TMEFF2: variants seen among roughly 807,000 people sequenced by gnomAD.
TMEFF2 encodes the protein transmembrane protein with EGF like and two follistatin like domains 2.
A neutral mutation model predicts 53.8 loss-of-function variants in TMEFF2; 28 were observed. That is an observed-to-expected ratio of 0.52 (90% CI 0.39 to 0.71). The LOEUF (loss-of-function observed/expected upper bound fraction) is 0.71, where lower values mean the gene tolerates loss of function less well. Among genes scored for constraint, TMEFF2 ranks in the 30% least tolerant of loss-of-function variants. The pLI, the probability that TMEFF2 is intolerant of heterozygous loss-of-function variation, is 0.00. For synonymous variants in TMEFF2, 162 were observed against 166.3 expected (o/e 0.97, Z 0.20); for missense variants, 353 against 455.2 (o/e 0.78, Z 2.04).
At chr2:192,158,967 T>G (rs1170327141) in intron 4 of TMEFF2, among the ~76,000 whole-genome samples, 2 of 152,154 alleles carry the variant, frequency 1.3e-5, no homozygotes, top group African/African-American at 4.8e-5. Context: ...GATCATTTTT[T>G]TCTGAATGAC....
intron 5 of TMEFF2, among the ~76,000 whole-genome samples, chr2:192,039,096 T>G (rs1405885732): frequency 6.6e-6 from 1 of 151,870 alleles, no homozygotes; most frequent in Non-Finnish European, 1.5e-5. Context: ...TTTGAAATGG[T>G]GTCTTGGTTT....
In TMEFF2 at chr2:192,075,294, T is replaced by TATATATATAA. The variant is rs1553518761; in HGVS notation, c.440-17520_440-17519insTTATATATAT. Among the ~76,000 whole-genome samples, 7 of 31,564 alleles carry TATATATATAA rather than the reference T, an allele frequency of 2.2e-4. 1 individual carries two copies. In the South Asian group the frequency reaches 3.3e-3, roughly 15 times the overall value. The allele number at this position is 31,564 out of a possible 152,430, so 20.7% of individuals were successfully genotyped here. On this transcript the variant is annotated intron_variant, in intron 4 of 9. Transcript: ENST00000272771. ...CCAGAGTACAGTACTATTATATATA[T>TATATATATAA]ATATATATATATATATATATATATA...
Position 192,008,383 on chromosome 2 carries a change from T to C in TMEFF2, c.537-9175A>G, listed in dbSNP as rs1246118405. Among the ~76,000 whole-genome samples, 8 of 152,330 alleles carry C rather than the reference T, an allele frequency of 5.3e-5. No individual in the cohort carries two copies. In the East Asian group the frequency reaches 1.5e-3, roughly 29 times the overall value. On this transcript the variant is annotated intron_variant, in intron 5 of 9. Coordinates refer to ENST00000272771, the MANE Select transcript of TMEFF2 (RefSeq NM_016192.4). ...CATTGTCATAGGTCACGATTGCCTT[T>C]TCCTCAGGATTATTCTTTCTTTTTA...
At chr2:192,099,032 T>C (rs2105942500) in intron 4 of TMEFF2, among the ~76,000 whole-genome samples, 1 of 152,256 alleles carries the variant, frequency 6.6e-6, no homozygotes, top group East Asian at 1.9e-4. Context: ...ACTTGGTTCA[T>C]ATTCTCCAAA....
chr2:191,987,341 A>T (rs1686001421), intron 7 of TMEFF2, among the ~76,000 whole-genome samples: 1 of 152,160 alleles, frequency 6.6e-6, no homozygotes, highest in Admixed American at 6.5e-5. Flanking sequence ...TGATTTCTGA[A>T]CTAAAGCTAT....
At chr2:192,049,817 C>T (rs1161146818) in intron 5 of TMEFF2, among the ~76,000 whole-genome samples, 3 of 151,968 alleles carry the variant, frequency 2.0e-5, no homozygotes, top group East Asian at 3.9e-4. Flanking sequence ...CTGGCTAACA[C>T]GATGAAACCC....
At chr2:192,184,574 C>T in intron 2 of TMEFF2, 91 bp from the exon 3 acceptor site, 1 of 1,475,660 alleles carries the variant, frequency 6.8e-7, no homozygotes, top group East Asian at 2.3e-5. Flanking sequence ...ACAAAAGAAA[C>T]CACTTGTCTT....
intron 5 of TMEFF2, among the ~76,000 whole-genome samples, chr2:192,033,630 TC>T (rs1366079503): frequency 1.3e-5 from 2 of 149,330 alleles, no homozygotes; most frequent in Non-Finnish European, 3.0e-5. Context: ...CATCCATCAA[TC>T]CATCCAAACA....
intron 7 of TMEFF2, among the ~76,000 whole-genome samples, chr2:191,986,210 G>A (rs747693519): frequency 6.6e-6 from 1 of 152,192 alleles, no homozygotes; most frequent in African/African-American, 2.4e-5. Flanking sequence ...GCTTTGAAAT[G>A]GTTGCTGTTG....
intron 4 of TMEFF2, among the ~76,000 whole-genome samples, chr2:192,093,256 G>A (rs1409969433): frequency 1.3e-5 from 2 of 152,170 alleles, no homozygotes; most frequent in Non-Finnish European, 2.9e-5. Context: ...TGATAAAGCA[G>A]GTAGTAAGAC....
At chr2:192,131,756 C>T (rs1005259395) in intron 4 of TMEFF2, among the ~76,000 whole-genome samples, 2 of 152,118 alleles carry the variant, frequency 1.3e-5, no homozygotes, top group African/African-American at 2.4e-5. Flanking sequence ...GAACTTAAAA[C>T]CTCTTCAACT....
chr2:191,951,320 A>G (rs1025417245), intron 9 of TMEFF2, among the ~76,000 whole-genome samples: 3 of 123,742 alleles, frequency 2.4e-5, no homozygotes, highest in Admixed American at 7.7e-5. Flanking sequence ...CAACAGGGCA[A>G]CTCTTCATTT....
chr2:192,002,648 G>A lies in TMEFF2; in HGVS notation c.537-3440C>T, dbSNP rs553691691. Among the ~76,000 whole-genome samples, 14 of 152,142 alleles carry A rather than the reference G, an allele frequency of 9.2e-5. No homozygotes were observed. The South Asian group carries it at 1.0e-3, about 11-fold the overall frequency. On this transcript the variant is annotated intron_variant, in intron 5 of 9. Transcript: ENST00000272771. ...AGTTGGAGACCAGCCTGGCCGACAC[G>A]GTGAAAGGCTGACTCTACTAAAAAT...
intron 5 of TMEFF2, among the ~76,000 whole-genome samples, chr2:192,000,353 C>A (rs1335395578): frequency 6.6e-6 from 1 of 152,006 alleles, no homozygotes; most frequent in African/African-American, 2.4e-5. Flanking sequence ...TTTATTTAAT[C>A]CTCACAACAG....
intron 7 of TMEFF2, among the ~76,000 whole-genome samples, chr2:191,963,315 C>T (rs1692324509): frequency 6.6e-6 from 1 of 152,094 alleles, no homozygotes; most frequent in African/African-American, 2.4e-5. Flanking sequence ...GCATTTTTGG[C>T]CAAAATTATT....
chr2:192,165,744 T>TA (rs5837289), intron 4 of TMEFF2, among the ~76,000 whole-genome samples: 13,453 of 144,442 alleles, frequency 0.093, 1,684 homozygotes, highest in African/African-American at 0.29. Context: ...GTCTCCGAGG[T>TA]AAAAAAAAAA....
At chr2:192,165,064 C>G (rs1410494038) in intron 4 of TMEFF2, among the ~76,000 whole-genome samples, 1 of 151,422 alleles carries the variant, frequency 6.6e-6, no homozygotes, top group Non-Finnish European at 1.5e-5. Flanking sequence ...AGACACATCA[C>G]ACAAAACAAA....
chr2:192,092,206 T>C (rs1469117910), intron 4 of TMEFF2, among the ~76,000 whole-genome samples: 1 of 152,112 alleles, frequency 6.6e-6, no homozygotes, highest in African/African-American at 2.4e-5. Context: ...AAAAATGGAA[T>C]CACAATAAAG....
intron 5 of TMEFF2, among the ~76,000 whole-genome samples, chr2:192,054,368 T>G (rs1687849964): frequency 6.6e-6 from 1 of 152,166 alleles, no homozygotes; most frequent in Non-Finnish European, 1.5e-5. Context: ...CGAGTTTTTC[T>G]GATTGACACC....
Sources: gnomAD v4.1 joint callset for allele counts (sites outside exome capture counted in the v4.1 genomes callset) on GRCh38, gnomAD v4.1.1 for gene constraint, MANE v1.5 for transcripts, NCBI Gene and HGNC (gene_info 2026-07-23, HGNC 2026-07-21) for gene names.